Variants in CAMTA1 observed in about 807,000 individuals in gnomAD.
The protein encoded by CAMTA1 is calmodulin-binding transcription activator 1.
CAMTA1 carries 27 observed loss-of-function variants against 170.9 expected under a neutral mutation model. That is an observed-to-expected ratio of 0.16 (90% CI 0.12 to 0.22). The LOEUF is 0.22. Ranked by LOEUF, CAMTA1 falls within the 10% of genes least tolerant of loss-of-function variation. The probability of loss-of-function intolerance (pLI) is 1.00; values close to 1 mark genes in which losing one functional copy is unlikely to be tolerated. For missense variants in CAMTA1, 1,619 were observed against 2,217.2 expected (o/e 0.73, Z 5.42); for synonymous variants, 833 against 891.5 (o/e 0.93, Z 1.17).
intron 3 of CAMTA1, among the ~76,000 whole-genome samples, chr1:6,912,463 CT>C (rs1679931675): frequency 1.3e-5 from 2 of 152,250 alleles, no homozygotes; most frequent in African/African-American, 4.8e-5. Context: ...GGGGACCACT[CT>C]ATCCTCTGGA....
chr1:7,357,326 G>T (rs1470932989), intron 5 of CAMTA1, among the ~76,000 whole-genome samples: 3 of 152,306 alleles, frequency 2.0e-5, no homozygotes, highest in Middle Eastern at 3.4e-3. Context: ...GCCCTTTTTG[G>T]CTCAGGAGGG....
chr1:7,753,423 T>C (rs560388447), intron 21 of CAMTA1, among the ~76,000 whole-genome samples: 126 of 152,332 alleles, frequency 8.3e-4, no homozygotes, highest in African/African-American at 2.6e-3. Flanking sequence ...CTGTGCAGTT[T>C]ATAATACCAA....
Position 7,670,668 on chromosome 1 carries a change from G to A in CAMTA1, c.2653-243G>A, listed in dbSNP as rs543918210. ...GAGAAGGTCAGGGGTTGGAGCTGCC[G>A]GTCCTGGGGCTTCCTGAGGGGCTGG... On this transcript the variant is annotated intron_variant, in intron 9 of 22. Coordinates refer to ENST00000303635, the MANE Select transcript of CAMTA1 (RefSeq NM_015215.4). Among the ~76,000 whole-genome samples, 56 of 152,310 alleles carry A rather than the reference G, an allele frequency of 3.7e-4. No individual in the cohort carries two copies. In the Middle Eastern group the frequency reaches 0.01, roughly 28 times the overall value.
chr1:7,405,489 G>C (rs2090221195), intron 5 of CAMTA1, among the ~76,000 whole-genome samples: 1 of 152,034 alleles, frequency 6.6e-6, no homozygotes, highest in Non-Finnish European at 1.5e-5. Flanking sequence ...TCCCACTTCA[G>C]CCTCCAGAAT....
At chr1:7,733,063 G>C (rs759025203) in intron 12 of CAMTA1, among the ~76,000 whole-genome samples, 1 of 152,014 alleles carries the variant, frequency 6.6e-6, no homozygotes, top group African/African-American at 2.4e-5. Flanking sequence ...TTAGCCAGGC[G>C]TGGTGGGACA....
chr1:6,976,208 A>G (rs1419052986), intron 3 of CAMTA1, among the ~76,000 whole-genome samples: 1 of 152,138 alleles, frequency 6.6e-6, no homozygotes, highest in Non-Finnish European at 1.5e-5. Flanking sequence ...GGCTTCTTGG[A>G]AGAAGGCCAC....
intron 3 of CAMTA1, chr1:6,874,212 T>TG (rs1669182684): frequency 6.6e-6 from 1 of 152,246 alleles, no homozygotes; most frequent in South Asian, 2.1e-4. Context: ...GCTGTGCCGT[T>TG]GGCAGGCATA....
chr1:7,766,593 GCA>G lies in CAMTA1; in HGVS notation c.*114_*115del, dbSNP rs145183030. The G allele has an allele frequency of 8.4e-4, 763 of 904,722 alleles. No individual in the cohort carries two copies. The highest frequency in any genetic ancestry group is 1.0e-3 in the South Asian group (74 of 70,992). 56.0% of individuals were successfully genotyped at this position (904,722 alleles called of 1,614,324 possible). A position where few individuals can be genotyped will look rare whatever the true frequency, so the allele number is the denominator to read the frequency against. ...GCAACAACAACACACACGCACACAC[GCA>G]CACACACACACGTACACACACATAC... On this transcript the variant is annotated 3_prime_UTR_variant, in exon 23 of 23. Coordinates refer to ENST00000303635, the MANE Select transcript of CAMTA1 (RefSeq NM_015215.4).
intron 5 of CAMTA1, among the ~76,000 whole-genome samples, chr1:7,257,077 G>A (rs369785076): frequency 0.05 from 1,930 of 38,304 alleles, 57 homozygotes; most frequent in African/African-American, 0.14. Context: ...ATCGCATGGC[G>A]GGGGCGGGGG....
rs149625556 is a variant in CAMTA1, at chr1:7,637,398, T to C, written c.511-3002T>C. On this transcript the variant is annotated intron_variant, in intron 6 of 22. Coordinates refer to ENST00000303635, the MANE Select transcript of CAMTA1 (RefSeq NM_015215.4). ...ATCTTTACTCATCTTGCTCAGCAGC[T>C]GGCATTGCTGCCTGGCCGTGCCCAG... Among the ~76,000 whole-genome samples the C allele has an allele frequency of 5.2e-4, 79 of 152,324 alleles. 2 individuals carry two copies. In the East Asian group the frequency reaches 9.7e-3, roughly 19 times the overall value.
At chr1:7,043,638 A>G (rs768643478) in intron 3 of CAMTA1, among the ~76,000 whole-genome samples, 8 of 151,888 alleles carry the variant, frequency 5.3e-5, no homozygotes, top group Non-Finnish European at 1.2e-4. Context: ...CATCTTCCTT[A>G]TATGGTGACG....
intron 2 of CAMTA1, 117 bp downstream of exon 2, chr1:6,820,367 CA>C: frequency 1.1e-6 from 1 of 893,338 alleles, no homozygotes; most frequent in Non-Finnish European, 1.8e-6. Flanking sequence ...CTGGGTTCTG[CA>C]CTTAACTGCT....
chr1:7,542,838 A>AATTT (rs879867160), intron 6 of CAMTA1, among the ~76,000 whole-genome samples: 1 of 56,002 alleles, frequency 1.8e-5, no homozygotes, highest in African/African-American at 6.9e-5. Context: ...CCTAAAACAC[A>AATTT]GTGTGTGTGT....
intron 3 of CAMTA1, among the ~76,000 whole-genome samples, chr1:6,974,954 C>T (rs1173169782): frequency 6.6e-6 from 1 of 152,240 alleles, no homozygotes; most frequent in Non-Finnish European, 1.5e-5. Context: ...GAAAATAACT[C>T]TCCTTCACTT....
intron 6 of CAMTA1, among the ~76,000 whole-genome samples, chr1:7,551,449 G>T (rs995311368): frequency 6.6e-6 from 1 of 152,220 alleles, no homozygotes; most frequent in Non-Finnish European, 1.5e-5. Flanking sequence ...CCAGACGCTT[G>T]TTCCTTCTCT....
intron 3 of CAMTA1, among the ~76,000 whole-genome samples, chr1:6,840,212 G>A (rs1655116808): frequency 6.6e-6 from 1 of 152,048 alleles, no homozygotes; most frequent in African/African-American, 2.4e-5. Flanking sequence ...AAAAAAAAGA[G>A]TTGAGATTTT....
chr1:7,433,194 G>A (rs1488769936), intron 5 of CAMTA1, among the ~76,000 whole-genome samples: 1 of 152,250 alleles, frequency 6.6e-6, no homozygotes, highest in African/African-American at 2.4e-5. Context: ...GCTTGTGGCT[G>A]CCCTAGCAGG....
intron 3 of CAMTA1, among the ~76,000 whole-genome samples, chr1:6,892,760 T>C (rs371001394): frequency 6.6e-6 from 1 of 152,176 alleles, no homozygotes; most frequent in African/African-American, 2.4e-5. Flanking sequence ...AGGTAACTTT[T>C]CTGAAAAATG....
intron 6 of CAMTA1, among the ~76,000 whole-genome samples, chr1:7,496,077 C>G (rs113444384): frequency 0.015 from 2,250 of 152,278 alleles, 47 homozygotes; most frequent in African/African-American, 0.051. Flanking sequence ...CGGAGGGGAG[C>G]GGCCTGTGCA....
Sources: gnomAD v4.1 joint callset for allele counts (sites outside exome capture counted in the v4.1 genomes callset) on GRCh38, gnomAD v4.1.1 for gene constraint, MANE v1.5 for transcripts, NCBI Gene and HGNC (gene_info 2026-07-23, HGNC 2026-07-21) for gene names.